Variants in TTC27 observed in about 807,000 individuals in gnomAD.
The protein encoded by TTC27 is tetratricopeptide repeat protein 27.
In TTC27, 79 loss-of-function variants were observed where a neutral mutation model predicts 115.9. That is an observed-to-expected ratio of 0.68 (90% CI 0.57 to 0.82). TTC27 has a LOEUF of 0.82. Ranked by LOEUF, TTC27 falls within the 40% of genes least tolerant of loss-of-function variation. TTC27 has a pLI of 0.00. For missense variants in TTC27, 1,054 were observed against 993.1 expected (o/e 1.06, Z -0.82); for synonymous variants, 401 against 356.0 (o/e 1.13, Z -1.42).
At chr2:32,803,523 C>T (rs146230239) in intron 16 of TTC27, among the ~76,000 whole-genome samples, 12 of 152,336 alleles carry the variant, frequency 7.9e-5, no homozygotes, top group African/African-American at 2.9e-4. Flanking sequence ...TAGGATCCAA[C>T]CCACTTCTGT....
chr2:32,806,066 G>C (rs1232304036), intron 16 of TTC27, among the ~76,000 whole-genome samples: 1 of 152,122 alleles, frequency 6.6e-6, no homozygotes, highest in Non-Finnish European at 1.5e-5. Flanking sequence ...CTTGGGTCCT[G>C]TTTCCCCAAG....
At chr2:32,801,545 A>T (rs1379339980) in intron 16 of TTC27, among the ~76,000 whole-genome samples, 1 of 152,098 alleles carries the variant, frequency 6.6e-6, no homozygotes, top group Non-Finnish European at 1.5e-5. Context: ...CAAAGACCCT[A>T]TTTCAGGTCA....
At chr2:32,652,864 A>G (rs778366233) in intron 5 of TTC27, among the ~76,000 whole-genome samples, 35 of 151,892 alleles carry the variant, frequency 2.3e-4, no homozygotes, top group Non-Finnish European at 4.1e-4. Context: ...TTTTCGTTCT[A>G]TGAAACATAG....
chr2:32,796,901 G>A (rs1300722839), intron 16 of TTC27, among the ~76,000 whole-genome samples: 5 of 151,572 alleles, frequency 3.3e-5, no homozygotes. Context: ...GGCTGGGCAC[G>A]GTGGCTCATG....
intron 16 of TTC27, among the ~76,000 whole-genome samples, chr2:32,800,105 AATAGAC>A (rs1425799713): frequency 1.3e-5 from 2 of 152,208 alleles, no homozygotes; most frequent in Non-Finnish European, 2.9e-5. Flanking sequence ...TAAATAAGTT[AATAGAC>A]TATTAAGAGG....
chr2:32,808,445 T>A (rs1035154683), intron 16 of TTC27, among the ~76,000 whole-genome samples: 1 of 152,296 alleles, frequency 6.6e-6, no homozygotes, highest in East Asian at 1.9e-4. Context: ...AAATTGGTTA[T>A]TGCCTCCCTC....
intron 10 of TTC27, among the ~76,000 whole-genome samples, chr2:32,711,313 G>A (rs1057386951): frequency 6.6e-6 from 1 of 152,080 alleles, no homozygotes; most frequent in Admixed American, 6.5e-5. Context: ...TGCCTCCGCA[G>A]GGTAGTACTG....
intron 15 of TTC27, among the ~76,000 whole-genome samples, chr2:32,783,756 C>G (rs1203424541): frequency 6.6e-6 from 1 of 152,224 alleles, no homozygotes; most frequent in Non-Finnish European, 1.5e-5. Flanking sequence ...AGAAAACCAA[C>G]TAAACGGGCT....
At chr2:32,682,844 G>GT (rs142030247) in intron 9 of TTC27, among the ~76,000 whole-genome samples, 1,065 of 56,902 alleles carry the variant, frequency 0.019, 217 homozygotes, top group African/African-American at 0.062. Context: ...AATTTTTATT[G>GT]TTGTTTTTTT....
At chr2:32,657,306 T>TGA (rs1665361962) in intron 5 of TTC27, among the ~76,000 whole-genome samples, 2 of 151,940 alleles carry the variant, frequency 1.3e-5, no homozygotes, top group South Asian at 4.1e-4. Context: ...TTACTCTCTT[T>TGA]GAGTCCAGAG....
intron 9 of TTC27, among the ~76,000 whole-genome samples, chr2:32,694,314 T>C (rs1666912455): frequency 6.6e-6 from 1 of 152,210 alleles, no homozygotes; most frequent in South Asian, 2.1e-4. Flanking sequence ...CAGAAACATA[T>C]CAGAGCCTTT....
At chr2:32,690,151 T>A (rs1028493623) in intron 9 of TTC27, among the ~76,000 whole-genome samples, 8 of 152,198 alleles carry the variant, frequency 5.3e-5, no homozygotes, top group Non-Finnish European at 1.2e-4. Context: ...AAACATGGTT[T>A]TGTTATAGAA....
chr2:32,723,988 T>TA (rs1668029142), intron 10 of TTC27, among the ~76,000 whole-genome samples: 1 of 148,868 alleles, frequency 6.7e-6, no homozygotes, highest in Non-Finnish European at 1.5e-5. Flanking sequence ...TTTTTTTTTT[T>TA]ATAGAAAGGA....
rs1301956801 is a variant in TTC27, at chr2:32,786,911, T to A, written c.1833-73T>A. ...ACGGACAGTCCACATTAGTATTTTA[T>A]ACATTTAGCTATGCTTTATTCTAAT... On this transcript the variant is annotated intron_variant, in intron 15 of 19. Coordinates refer to ENST00000317907, the MANE Select transcript of TTC27 (RefSeq NM_017735.5). 3.9e-6 allele frequency: 5 copies of A among 1,282,556 alleles called. No homozygotes were observed. The East Asian group carries it at 1.2e-4, about 31-fold the overall frequency. 79.4% of individuals were successfully genotyped at this position (1,282,556 alleles called of 1,614,324 possible).
chr2:32,791,518 AG>A (rs1163397103), intron 16 of TTC27, among the ~76,000 whole-genome samples: 1 of 152,224 alleles, frequency 6.6e-6, no homozygotes, highest in Non-Finnish European at 1.5e-5. Context: ...TATGAAACCC[AG>A]AGAGCTTATA....
At position 32,676,349 on chromosome 2, in the gene TTC27, AT is replaced by A. The variant is rs568703772; in HGVS notation, c.1053-2499del. 2.4e-3 allele frequency among the ~76,000 whole-genome samples: 360 copies of A among 151,496 alleles called. 3 individuals are homozygous for A. The highest frequency in any genetic ancestry group is 8.3e-3 in the African/African-American group (344 of 41,224). ...TAGTTCTTTCCTCTTCCCTTCATTG[AT>A]TTTTTTTCTTTTCCAACAATAAAAA... On this transcript the variant is annotated intron_variant, in intron 8 of 19. Transcript: ENST00000317907.
At chr2:32,721,761 C>T (rs1027442851) in intron 10 of TTC27, among the ~76,000 whole-genome samples, 1 of 151,894 alleles carries the variant, frequency 6.6e-6, no homozygotes, top group African/African-American at 2.4e-5. Flanking sequence ...CTTTGCCTCC[C>T]AAGTAGTTGG....
intron 10 of TTC27, among the ~76,000 whole-genome samples, chr2:32,723,953 C>T (rs1668024727): frequency 1.0e-5 from 1 of 96,838 alleles, no homozygotes; most frequent in Admixed American, 1.0e-4. Context: ...GCATGAGCCA[C>T]CAGCTGGCAT....
intron 12 of TTC27, among the ~76,000 whole-genome samples, chr2:32,754,865 G>A (rs1669156861): frequency 6.7e-6 from 1 of 149,360 alleles, no homozygotes; most frequent in Non-Finnish European, 1.5e-5. Context: ...CGGCTGGCCA[G>A]GCGGGGGGGC....
Sources: allele counts gnomAD v4.1 joint callset (sites outside exome capture counted in the v4.1 genomes callset), GRCh38; gene constraint gnomAD v4.1.1; transcripts MANE v1.5; gene names NCBI Gene and HGNC (gene_info 2026-07-23, HGNC 2026-07-21).